Variants in SUMF1 observed in about 807,000 individuals in gnomAD.
SUMF1 encodes formylglycine-generating enzyme.
Under a neutral mutation model 47.6 loss-of-function variants are expected in SUMF1, and 48 were observed. The observed-to-expected ratio is 1.01, with a 90% CI of 0.80 to 1.28. The LOEUF is 1.28. SUMF1 is among the 50% of genes most tolerant of loss of function. SUMF1 has a pLI of 0.00. For missense variants in SUMF1, 571 were observed against 485.4 expected, an observed-to-expected ratio of 1.18 and a Z score of -1.66; for synonymous variants, 230 against 192.1, an observed-to-expected ratio of 1.20 and a Z score of -1.63.
rs1213784165 is a variant in SUMF1, at chr3:4,039,208, A to ATTTTTTTTTTTT, written c.1191+29360_1191+29361insAAAAAAAAAAAA. On this transcript the variant is annotated intron_variant and NMD_transcript_variant, in intron 9 of 12. Coordinates refer to the SUMF1 transcript ENST00000448413. ...CAAGCATGCCTGAAACATCTATGCA[A>ATTTTTTTTTTTT]ATTTTTTTTTTTTTTTTTTTTTTTT... Among the ~76,000 whole-genome samples, 269 of 45,938 alleles carry ATTTTTTTTTTTT rather than the reference A, an allele frequency of 5.9e-3. 18 individuals are homozygous for ATTTTTTTTTTTT. The highest frequency in any genetic ancestry group is 0.015 in the Admixed American group (44 of 2,972). 30.1% of individuals were successfully genotyped at this position (45,938 alleles called of 152,430 possible). A position where few individuals can be genotyped will look rare whatever the true frequency, so the allele number is the denominator to read the frequency against.
chr3:4,272,379 G>C (rs1350093195), intron 8 of SUMF1, among the ~76,000 whole-genome samples: 1 of 152,166 alleles, frequency 6.6e-6, no homozygotes, highest in Non-Finnish European at 1.5e-5. Flanking sequence ...CTTCGGAATT[G>C]TTCTGAGTTG....
intron 8 of SUMF1, among the ~76,000 whole-genome samples, chr3:4,245,684 C>G (rs1696649657): frequency 6.6e-6 from 1 of 152,086 alleles, no homozygotes; most frequent in Non-Finnish European, 1.5e-5. Context: ...CCCAGTCAGG[C>G]TACGCAAGGG....
chr3:4,171,778 G>A (rs1171835510), intron 8 of SUMF1, among the ~76,000 whole-genome samples: 2 of 152,074 alleles, frequency 1.3e-5, no homozygotes, highest in Non-Finnish European at 2.9e-5. Context: ...CTACACACAG[G>A]AACAGCATGT....
At chr3:4,240,053 T>G (rs1038021883) in intron 8 of SUMF1, among the ~76,000 whole-genome samples, 4 of 152,188 alleles carry the variant, frequency 2.6e-5, no homozygotes, top group African/African-American at 9.7e-5. Flanking sequence ...TAGTTCTGTT[T>G]ATGTGATGGA....
intron 8 of SUMF1, among the ~76,000 whole-genome samples, chr3:4,341,254 A>T (rs1228909958): frequency 6.6e-6 from 1 of 152,182 alleles, no homozygotes; most frequent in African/African-American, 2.4e-5. Context: ...GAAAAAGAAA[A>T]ATAGGAGAGT....
intron 8 of SUMF1, among the ~76,000 whole-genome samples, chr3:4,237,786 C>T (rs1696441118): frequency 6.6e-6 from 1 of 150,996 alleles, no homozygotes; most frequent in African/African-American, 2.4e-5. Context: ...GATCTATAGC[C>T]CATTTTTTAA....
intron 8 of SUMF1, among the ~76,000 whole-genome samples, chr3:4,175,789 G>C (rs1694946843): frequency 6.6e-6 from 1 of 152,122 alleles, no homozygotes; most frequent in Non-Finnish European, 1.5e-5. Flanking sequence ...TAAAAGCCTT[G>C]AAAACACATT....
At chr3:4,239,569 T>C (rs1392447840) in intron 8 of SUMF1, among the ~76,000 whole-genome samples, 3 of 151,552 alleles carry the variant, frequency 2.0e-5, no homozygotes, top group African/African-American at 7.3e-5. Context: ...GATTTGGCTC[T>C]CTGTCTGTTA....
At chr3:4,196,651 T>C (rs1695436505) in intron 8 of SUMF1, among the ~76,000 whole-genome samples, 1 of 152,242 alleles carries the variant, frequency 6.6e-6, no homozygotes, top group African/African-American at 2.4e-5. Context: ...GACTTAATGC[T>C]TTTCTACCTC....
intron 8 of SUMF1, among the ~76,000 whole-genome samples, chr3:4,079,325 G>T (rs577010204): frequency 2.0e-5 from 3 of 152,030 alleles, no homozygotes; most frequent in Non-Finnish European, 4.4e-5. Flanking sequence ...TAATAAAAAG[G>T]TTTACCTCAC....
chr3:4,398,816 G>T (rs982033364), intron 7 of SUMF1, among the ~76,000 whole-genome samples: 1 of 152,162 alleles, frequency 6.6e-6, no homozygotes, highest in Non-Finnish European at 1.5e-5. Context: ...TTTATAACAA[G>T]TCTTGAGATG....
chr3:4,167,669 G>A (rs1021240036), intron 8 of SUMF1, among the ~76,000 whole-genome samples: 32 of 152,140 alleles, frequency 2.1e-4, no homozygotes, highest in Admixed American at 1.8e-3. Flanking sequence ...CAGGAAGTCC[G>A]GCTGGCTCTT....
chr3:4,205,869 C>G (rs1389670910), intron 8 of SUMF1, among the ~76,000 whole-genome samples: 1 of 152,098 alleles, frequency 6.6e-6, no homozygotes, highest in Non-Finnish European at 1.5e-5. Context: ...TGTGCTGGGT[C>G]ACATCTGAAG....
chr3:4,265,747 G>C (rs1387903057), intron 8 of SUMF1, among the ~76,000 whole-genome samples: 1 of 152,150 alleles, frequency 6.6e-6, no homozygotes, highest in African/African-American at 2.4e-5. Flanking sequence ...GAACCCATTT[G>C]TCAATTTTGG....
At chr3:4,061,947 C>A (rs909228216) in intron 9 of SUMF1, among the ~76,000 whole-genome samples, 11 of 152,054 alleles carry the variant, frequency 7.2e-5, no homozygotes, top group African/African-American at 2.7e-4. Context: ...CCATTTGATA[C>A]CTGGTCCTCC....
intron 8 of SUMF1, among the ~76,000 whole-genome samples, chr3:4,086,230 CAG>C (rs1433613677): frequency 6.8e-6 from 1 of 147,250 alleles, no homozygotes; most frequent in Non-Finnish European, 1.5e-5. Context: ...AAAAAAAAAA[CAG>C]AATTATTGTC....
chr3:4,159,706 G>C (rs984859114), intron 8 of SUMF1, among the ~76,000 whole-genome samples: 7 of 151,978 alleles, frequency 4.6e-5, no homozygotes, highest in Admixed American at 2.6e-4. Flanking sequence ...TTCAGATTAA[G>C]GAACTGCGTT....
chr3:4,259,725 G>T (rs951370222), intron 8 of SUMF1, among the ~76,000 whole-genome samples: 2 of 152,084 alleles, frequency 1.3e-5, no homozygotes, highest in African/African-American at 4.8e-5. Context: ...AAAGCACAAA[G>T]CCTAATGGCA....
chr3:4,266,608 C>G (rs1173016732), intron 8 of SUMF1, among the ~76,000 whole-genome samples: 1 of 151,962 alleles, frequency 6.6e-6, no homozygotes, highest in Non-Finnish European at 1.5e-5. Flanking sequence ...TGCTTATCAG[C>G]TTAAGGAGAT....
Sources: gnomAD v4.1 joint callset for allele counts (sites outside exome capture counted in the v4.1 genomes callset) on GRCh38, gnomAD v4.1.1 for gene constraint, MANE v1.5 for transcripts, NCBI Gene and HGNC (gene_info 2026-07-23, HGNC 2026-07-21) for gene names.